ZMYM6: variants seen among roughly 807,000 people sequenced by gnomAD.
ZMYM6 encodes the protein zinc finger MYM-type protein 6.
In ZMYM6, 90 loss-of-function variants were observed where a neutral mutation model predicts 134.0. The ratio of observed to expected loss-of-function variants is 0.67; its 90% CI spans 0.57 to 0.80. ZMYM6 has a LOEUF of 0.80. Ranked by LOEUF, ZMYM6 falls within the 30% of genes least tolerant of loss-of-function variation. The pLI, the probability that ZMYM6 is intolerant of heterozygous loss-of-function variation, is 0.00. For synonymous variants in ZMYM6, 481 were observed against 524.1 expected, an observed-to-expected ratio of 0.92 and a Z score of 1.12; for missense variants, 1,362 against 1,533.9, an observed-to-expected ratio of 0.89 and a Z score of 1.87.
At position 35,008,865 on chromosome 1, in the gene ZMYM6, A is replaced by C; in HGVS notation, c.1552T>G (p.Cys518Gly). 1.2e-6 allele frequency: 2 copies of C among 1,614,152 alleles called. No individual in the cohort carries two copies. Among genetic ancestry groups the C allele is most frequent in the Non-Finnish European group, 1.7e-6 (2 of 1,180,016 alleles). Residue 518 changes from cysteine (C) to glycine (G), a missense_variant, in exon 11 of 16, where the codon TGC (cysteine) becomes GGC (glycine). Around this residue, in one of 3 missense-constraint regions of ZMYM6, gnomAD observed 824 missense variants for 940.9 expected, o/e 0.88. Transcript: ENST00000357182. ...GERWGNYCKM[C>G]SYCSQTSPNL... Reference sequence around the variant, plus strand: ...GGGGATGTCTGTGAACAGTAGCTGCACATCTTACAGTAGTTTCCCCATCGT... The same window carrying C: ...GGGGATGTCTGTGAACAGTAGCTGCCCATCTTACAGTAGTTTCCCCATCGT...
intron 14 of ZMYM6, among the ~76,000 whole-genome samples, chr1:34,993,038 T>A (rs1179776010): frequency 6.7e-6 from 1 of 149,474 alleles, no homozygotes; most frequent in Non-Finnish European, 1.5e-5. Context: ...CAATTAAAGA[T>A]CTCAGGGAAA....
chr1:35,020,851 G>A (rs971510366), intron 2 of ZMYM6, among the ~76,000 whole-genome samples: 2 of 151,798 alleles, frequency 1.3e-5, no homozygotes, highest in Admixed American at 6.6e-5. Flanking sequence ...GATTACAGGC[G>A]TGAGCCACCA....
At chr1:35,024,517 T>C (rs1641370892) in intron 2 of ZMYM6, among the ~76,000 whole-genome samples, 1 of 152,186 alleles carries the variant, frequency 6.6e-6, no homozygotes, top group Non-Finnish European at 1.5e-5. Flanking sequence ...GTAAATGGTA[T>C]CACCATAAAC....
rs1279652363 is a variant in ZMYM6, at chr1:35,014,736, C to T, written c.756G>A (p.Gln252=). The T allele has an allele frequency of 1.9e-6, 3 of 1,614,086 alleles. No homozygotes were observed. The highest frequency in any genetic ancestry group is 1.1e-5 in the South Asian group (1 of 91,078). ...TGACACTTGTTGAACTAAAAACCTT[C>T]TGGGATTGGCAAGGACCAGAGCTAC... The part of the protein sequence containing the change: ...CYSSSGPCQS[Q]KVFSSTSVTA... The change falls in exon 6 of 16, where the codon CAG becomes CAA. Residue 252 remains glutamine, a synonymous_variant. Transcript: ENST00000357182.
intron 11 of ZMYM6, among the ~76,000 whole-genome samples, chr1:35,008,416 C>T (rs1051234387): frequency 6.6e-6 from 1 of 152,168 alleles, no homozygotes; most frequent in African/African-American, 2.4e-5. Context: ...CAAGGTCTAA[C>T]TTCAAATTCC....
chr1:35,021,904 T>TA (rs1296972319), intron 2 of ZMYM6, among the ~76,000 whole-genome samples: 1 of 152,236 alleles, frequency 6.6e-6, no homozygotes, highest in African/African-American at 2.4e-5. Context: ...TTTTTAATGT[T>TA]AAAATACCCT....
At chr1:35,006,811 A>C in intron 12 of ZMYM6, 140 bp downstream of exon 12, 1 of 875,884 alleles carries the variant, frequency 1.1e-6, no homozygotes, top group Non-Finnish European at 1.5e-6. Flanking sequence ...AATCTTAAAG[A>C]CTTCTTAAAG....
rs765605641 is a variant in ZMYM6, at chr1:35,030,598, T to C, written c.42A>G (p.Val14=). The change falls in exon 2 of 16, where the codon GTA becomes GTG. Residue 14 remains valine (V), a synonymous_variant. Coordinates refer to ENST00000357182, the MANE Select transcript of ZMYM6 (RefSeq NM_007167.4). ...PLDGECGKAV[V]PQQELLDKIK... ...TTTTGTCCAGAAGCTCCTGCTGTGGTACCACTGCTTTGCCACATTCACCAT... is the reference window on the plus strand; with the variant it reads ...TTTTGTCCAGAAGCTCCTGCTGTGGCACCACTGCTTTGCCACATTCACCAT... 6.2e-7 allele frequency: 1 copy of C among 1,613,874 alleles called. No homozygotes were observed. The highest frequency in any genetic ancestry group is 1.1e-5 in the South Asian group (1 of 91,034).
chr1:35,010,895 G>A lies in ZMYM6; in HGVS notation c.1204C>T (p.Arg402Cys), dbSNP rs756028380. 2.5e-5 allele frequency: 41 copies of A among 1,613,832 alleles called. No homozygotes were observed. The East Asian group carries it at 7.8e-4, about 31-fold the overall frequency. Residue 402 changes from arginine to cysteine, a missense_variant, in exon 9 of 16, where the codon CGT becomes TGT. By Grantham distance (180) the Arg-to-Cys change is radical (BLOSUM62 -3). Coordinates refer to ENST00000357182, the MANE Select transcript of ZMYM6 (RefSeq NM_007167.4). ...NTSAVSPSSI[R>C]GSAAASLQPL... Reference sequence around the variant, plus strand: ...TGGAGGCTGGCTGCAGCAGAGCCACGGATGGAGCTGGGGGAAACGGCAGAG... The same window carrying A: ...TGGAGGCTGGCTGCAGCAGAGCCACAGATGGAGCTGGGGGAAACGGCAGAG...
chr1:35,011,785 A>G (rs887785015), intron 8 of ZMYM6, 105 bp downstream of exon 8: 6 of 799,856 alleles, frequency 7.5e-6, no homozygotes, highest in Non-Finnish European at 1.1e-5. Context: ...TTTCTTTTTA[A>G]TTCAAATTTA....
At chr1:34,992,131 A>G (rs1007583901) in intron 15 of ZMYM6, 103 bp downstream of exon 15, 3 of 1,456,380 alleles carry the variant, frequency 2.1e-6, no homozygotes, top group Non-Finnish European at 2.9e-6. Flanking sequence ...GAATGTTTTC[A>G]CATTTAAGAC....
chr1:34,988,994 G>T, intron 15 of ZMYM6, 59 bp from the exon 16 acceptor site: 1 of 1,558,554 alleles, frequency 6.4e-7, no homozygotes, highest in Non-Finnish European at 8.6e-7. Flanking sequence ...TGTTCTTTAT[G>T]TATCTCCCCA....
At chr1:35,001,826 C>T (rs1344945399) in intron 14 of ZMYM6, among the ~76,000 whole-genome samples, 2 of 152,080 alleles carry the variant, frequency 1.3e-5, no homozygotes, top group Non-Finnish European at 2.9e-5. Flanking sequence ...TTACGAGACA[C>T]TAAATTAGGA....
intron 6 of ZMYM6, chr1:35,012,830 A>C: frequency 4.1e-6 from 4 of 985,400 alleles, no homozygotes; most frequent in Non-Finnish European, 4.8e-6. Flanking sequence ...TTCAAACACA[A>C]GTAATGAATT....
At chr1:35,013,776 C>T (rs1641132043) in intron 6 of ZMYM6, 1 of 616,660 alleles carries the variant, frequency 1.6e-6, no homozygotes, top group African/African-American at 2.0e-5. Flanking sequence ...ACTGCAACCT[C>T]CACCTCCCGG....
At position 34,988,130 on chromosome 1, in the gene ZMYM6, T is replaced by G; in HGVS notation, c.2952A>C (p.Ala984=). The change falls in exon 16 of 16, where the codon GCA becomes GCC. Residue 984 remains alanine (A), a synonymous_variant. Coordinates refer to ENST00000357182, the MANE Select transcript of ZMYM6 (RefSeq NM_007167.4). ...HCVGLCTDGA[A]SMTGRYSGLK... ...AACCAGAATACCTGCCAGTCATGCT[T>G]GCAGCCCCATCGGTACAGAGACCAA... is the stretch of plus-strand genomic sequence containing the variant. 1.3e-6 allele frequency: 2 copies of G among 1,551,544 alleles called. No homozygotes were observed. The highest frequency in any genetic ancestry group is 1.7e-6 in the Non-Finnish European group (2 of 1,146,976).
chr1:34,992,533 G>A, intron 14 of ZMYM6, 146 bp from the exon 15 acceptor site: 2 of 718,118 alleles, frequency 2.8e-6, no homozygotes, highest in Non-Finnish European at 4.2e-6. Context: ...AGTCACCTTG[G>A]AAAATACACA....
chr1:35,015,743 A>AAAAAAAAAAAAT, intron 4 of ZMYM6, among the ~76,000 whole-genome samples: 9 of 106,476 alleles, frequency 8.5e-5, no homozygotes, highest in African/African-American at 5.9e-4. Context: ...AAAAAAAAAA[A>AAAAAAAAAAAAT]ATATATATAT....
intron 2 of ZMYM6, among the ~76,000 whole-genome samples, chr1:35,025,860 T>A (rs780360043): frequency 2.0e-5 from 3 of 152,084 alleles, no homozygotes; most frequent in African/African-American, 4.8e-5. Context: ...ATGGGTAAAG[T>A]GGGAAGAGAA....
Sources: allele counts gnomAD v4.1 joint callset (sites outside exome capture counted in the v4.1 genomes callset), GRCh38; gene constraint gnomAD v4.1.1; regional missense constraint gnomAD v4.1.1; transcripts MANE v1.5; gene names NCBI Gene and HGNC (gene_info 2026-07-23, HGNC 2026-07-21).